Variants in RBFOX1 observed in about 807,000 individuals in gnomAD.
RBFOX1 encodes the protein RNA binding protein fox-1 homolog 1.
A neutral mutation model predicts 57.7 loss-of-function variants in RBFOX1; 8 were observed. That is an observed-to-expected ratio of 0.14 (90% CI 0.08 to 0.25). The LOEUF (loss-of-function observed/expected upper bound fraction) is 0.25. Among genes scored for constraint, RBFOX1 ranks in the 10% least tolerant of loss-of-function variants. The pLI is 1.00. For synonymous variants in RBFOX1, 326 were observed against 222.4 expected, an observed-to-expected ratio of 1.47 and a Z score of -4.15; for missense variants, 611 against 548.5, an observed-to-expected ratio of 1.11 and a Z score of -1.14.
At chr16:7,245,695 TTGCC>T (rs1342140372) in intron 4 of RBFOX1, among the ~76,000 whole-genome samples, 1 of 152,246 alleles carries the variant, frequency 6.6e-6, no homozygotes, top group Non-Finnish European at 1.5e-5. Flanking sequence ...TGAAAGATGT[TTGCC>T]TGCTCACTTA....
intron 4 of RBFOX1, among the ~76,000 whole-genome samples, chr16:7,284,852 C>G (rs557696140): frequency 6.6e-6 from 1 of 152,090 alleles, no homozygotes; most frequent in African/African-American, 2.4e-5. Context: ...ATCTTTTGGC[C>G]ACTGCCTTCT....
chr16:5,894,156 G>A (rs1195277193), intron 4 of RBFOX1, among the ~76,000 whole-genome samples: 2 of 152,122 alleles, frequency 1.3e-5, no homozygotes, highest in Admixed American at 1.3e-4. Flanking sequence ...CACAATTCTG[G>A]AGCTCTATTT....
chr16:6,108,988 T>G (rs878905218), intron 1 of RBFOX1, among the ~76,000 whole-genome samples: 1 of 152,192 alleles, frequency 6.6e-6, no homozygotes, highest in African/African-American at 2.4e-5. Flanking sequence ...CAAGTTAACA[T>G]GTACAGACTA....
At chr16:5,633,513 A>G (rs1206314455) in intron 3 of RBFOX1, among the ~76,000 whole-genome samples, 1 of 152,170 alleles carries the variant, frequency 6.6e-6, no homozygotes, top group Admixed American at 6.5e-5. Context: ...GTATCCGACA[A>G]AAGACTGACA....
chr16:7,247,634 G>T (rs370897013), intron 4 of RBFOX1, among the ~76,000 whole-genome samples: 3 of 152,196 alleles, frequency 2.0e-5, no homozygotes, highest in Non-Finnish European at 4.4e-5. Flanking sequence ...CAGGAATGCC[G>T]TGATTTTAAG....
Position 6,019,309 on chromosome 16 carries a change from C to T in RBFOX1, c.-810C>T. 1 of 985,306 alleles carries T rather than the reference C, an allele frequency of 1.0e-6. No individual in the cohort carries two copies. Among genetic ancestry groups the T allele is most frequent in the Non-Finnish European group, 1.2e-6 (1 of 830,250 alleles). 61.0% of individuals were successfully genotyped at this position (985,306 alleles called of 1,614,324 possible). The stretch of plus-strand genomic sequence containing the variant: ...CGGGGTTTGAAGGTCACCTCCTTTC[C>T]AGTCCCCGTGCGAGCCGCGCTGCCG... On this transcript the variant is annotated 5_prime_UTR_variant, in exon 1 of 16. Coordinates refer to ENST00000550418, the MANE Select transcript of RBFOX1 (RefSeq NM_018723.4). The surrounding 1 kb of genome is among the most constrained non-coding windows in gnomAD (Gnocchi z 4.2).
chr16:5,565,260 T>C (rs1852208144), intron 2 of RBFOX1, among the ~76,000 whole-genome samples: 1 of 151,014 alleles, frequency 6.6e-6, no homozygotes, highest in African/African-American at 2.5e-5. Flanking sequence ...AAAACTGGTG[T>C]GTGTGTGTGC....
chr16:6,536,567 T>TA (rs1326541751), intron 2 of RBFOX1, among the ~76,000 whole-genome samples: 1 of 151,750 alleles, frequency 6.6e-6, no homozygotes, highest in Non-Finnish European at 1.5e-5. Context: ...GTTTTTTTTT[T>TA]CTTTCTAATT....
At chr16:7,364,014 A>G (rs1043469916) in intron 4 of RBFOX1, among the ~76,000 whole-genome samples, 7 of 152,170 alleles carry the variant, frequency 4.6e-5, no homozygotes, top group Non-Finnish European at 7.3e-5. Flanking sequence ...GCAAGATCGT[A>G]TTTGTAGGTG....
intron 4 of RBFOX1, among the ~76,000 whole-genome samples, chr16:7,241,945 A>G (rs1327959737): frequency 6.6e-6 from 1 of 152,200 alleles, no homozygotes; most frequent in East Asian, 1.9e-4. Context: ...GTATATCTGC[A>G]TATGCGTGTG....
chr16:5,322,009 G>C (rs1391270745), intron 1 of RBFOX1, among the ~76,000 whole-genome samples: 1 of 152,124 alleles, frequency 6.6e-6, no homozygotes, highest in Non-Finnish European at 1.5e-5. Context: ...GTAGATACTA[G>C]AGTGTCTCCA....
At chr16:5,541,525 A>T (rs932893273) in intron 2 of RBFOX1, among the ~76,000 whole-genome samples, 14 of 152,090 alleles carry the variant, frequency 9.2e-5, no homozygotes, top group African/African-American at 2.9e-4. Context: ...CTGGTAGGTG[A>T]GAGACAAAGG....
intron 3 of RBFOX1, among the ~76,000 whole-genome samples, chr16:6,941,182 C>A (rs1341591528): frequency 6.6e-6 from 1 of 151,790 alleles, no homozygotes; most frequent in African/African-American, 2.4e-5. Context: ...GACTCTCATT[C>A]CATGCATACA....
At position 7,711,716 on chromosome 16, in the gene RBFOX1, TA is replaced by T. The variant is rs2084030148; in HGVS notation, c.*972del. 6.6e-6 allele frequency: 1 copy of T among 152,636 alleles called. No homozygotes were observed. The highest frequency in any genetic ancestry group is 1.5e-5 in the Non-Finnish European group (1 of 68,024). 9.5% of individuals were successfully genotyped at this position (152,636 alleles called of 1,614,324 possible). A position where few individuals can be genotyped will look rare whatever the true frequency, so the allele number is the denominator to read the frequency against. On this transcript the variant is annotated 3_prime_UTR_variant, in exon 16 of 16. Coordinates refer to ENST00000550418, the MANE Select transcript of RBFOX1 (RefSeq NM_018723.4). ...GAGTTGTTAAGTTCTAGAAACAGTC[TA>T]TGAAGCTTTAGTTTTAGCCTAGTAG...
At chr16:5,661,369 G>A (rs779534929) in intron 3 of RBFOX1, among the ~76,000 whole-genome samples, 5 of 152,186 alleles carry the variant, frequency 3.3e-5, no homozygotes, top group Non-Finnish European at 7.3e-5. Flanking sequence ...TTACATGTGT[G>A]TGGTGTGTAT....
chr16:5,971,991 T>G (rs2059970578), intron 4 of RBFOX1, among the ~76,000 whole-genome samples: 1 of 152,174 alleles, frequency 6.6e-6, no homozygotes, highest in African/African-American at 2.4e-5. Flanking sequence ...CCTGCCTGAC[T>G]TCAAACTGGG....
chr16:7,369,102 A>G (rs2097522468), intron 4 of RBFOX1, among the ~76,000 whole-genome samples: 1 of 152,130 alleles, frequency 6.6e-6, no homozygotes, highest in South Asian at 2.1e-4. Flanking sequence ...AGAAGGAAGA[A>G]GGAGGTTTTT....
chr16:5,960,345 T>A (rs1463581682), intron 4 of RBFOX1, among the ~76,000 whole-genome samples: 1 of 152,172 alleles, frequency 6.6e-6, no homozygotes, highest in East Asian at 1.9e-4. Context: ...TTATTCACAG[T>A]CACACGGATA....
intron 2 of RBFOX1, among the ~76,000 whole-genome samples, chr16:6,642,959 G>A (rs1434416025): frequency 6.6e-6 from 1 of 152,118 alleles, no homozygotes; most frequent in Non-Finnish European, 1.5e-5. Context: ...TATGATTTCA[G>A]GTGAAATAGC....
Sources: allele counts gnomAD v4.1 joint callset (sites outside exome capture counted in the v4.1 genomes callset), GRCh38; gene constraint gnomAD v4.1.1; non-coding constraint Gnocchi (gnomAD v3.1); transcripts MANE v1.5; gene names NCBI Gene and HGNC (gene_info 2026-07-23, HGNC 2026-07-21).